CYP2J2: variants seen among roughly 807,000 people sequenced by gnomAD.
CYP2J2 encodes cytochrome P450 family 2 subfamily J member 2, also known as cytochrome P450 2J2.
A neutral mutation model predicts 48.8 loss-of-function variants in CYP2J2; 41 were observed. The ratio of observed to expected loss-of-function variants is 0.84; its 90% CI spans 0.66 to 1.09. The LOEUF is 1.09. CYP2J2 is among the 50% of genes least tolerant of loss of function. The probability of loss-of-function intolerance (pLI) is 0.00; values close to 1 mark genes in which losing one functional copy is unlikely to be tolerated. For missense variants in CYP2J2, 644 were observed against 617.3 expected (o/e 1.04, Z -0.46); for synonymous variants, 221 against 227.1 (o/e 0.97, Z 0.24).
At chr1:59,953,223 C>A in the CYP2J2 span, among the ~76,000 whole-genome samples, 1 of 152,138 alleles carries the variant, frequency 6.6e-6, no homozygotes, top group Non-Finnish European at 1.5e-5. Context: ...AAGTCCTCAG[C>A]ACCTGTCTAA....
At chr1:59,945,170 A>G in the CYP2J2 span, among the ~76,000 whole-genome samples, 2 of 152,128 alleles carry the variant, frequency 1.3e-5, no homozygotes, top group Non-Finnish European at 1.5e-5. Flanking sequence ...TAAGAACAGC[A>G]TTTTTACTGC....
Position 59,893,606 on chromosome 1 carries a change from T to G in CYP2J2, c.*45A>C. On this transcript the variant is annotated 3_prime_UTR_variant, in exon 9 of 9. Transcript: ENST00000371204. ...CAGACACCAGTGGTTTCAGAACACG[T>G]GCCATGTCTTCTTACTTTCCTTGCC... is the stretch of plus-strand genomic sequence containing the variant. 1.4e-6 allele frequency: 2 copies of G among 1,457,976 alleles called. No homozygotes were observed. 90.3% of individuals were successfully genotyped at this position (1,457,976 alleles called of 1,614,324 possible).
chr1:59,932,704 A>AT, the CYP2J2 span, among the ~76,000 whole-genome samples: 19,110 of 144,632 alleles, frequency 0.13, 1,361 homozygotes, highest in Admixed American at 0.18. Context: ...TTCTTATTCT[A>AT]TTTTTTTTTT....
chr1:59,908,121 T>C (rs1289008973), intron 5 of CYP2J2, among the ~76,000 whole-genome samples, 194 bp from the exon 6 acceptor site: 1 of 152,210 alleles, frequency 6.6e-6, no homozygotes, highest in Admixed American at 6.5e-5. Flanking sequence ...CCCCAAGTGC[T>C]GGACACCTTT....
At chr1:59,965,176 T>C in the CYP2J2 span, among the ~76,000 whole-genome samples, 3 of 152,186 alleles carry the variant, frequency 2.0e-5, no homozygotes, top group Non-Finnish European at 4.4e-5. Context: ...GGTGGAGAAT[T>C]AGGAGTTCAC....
chr1:59,918,796 A>G lies in CYP2J2; in HGVS notation c.211-2696T>C, dbSNP rs118027002. Among the ~76,000 whole-genome samples, 722 of 152,320 alleles carry G rather than the reference A, an allele frequency of 4.7e-3. 16 individuals are homozygous for G. The highest frequency in any genetic ancestry group is 0.032 in the East Asian group (165 of 5,190). On this transcript the variant is annotated intron_variant, in intron 1 of 8. Transcript: ENST00000371204. ...AGAAAAGAACTGAAACAGAATCTAT[A>G]AAAGTCAAACAAAAGCAATAGGAGA...
the CYP2J2 span, among the ~76,000 whole-genome samples, chr1:59,952,547 A>G: frequency 1.3e-5 from 2 of 152,140 alleles, no homozygotes; most frequent in Non-Finnish European, 2.9e-5. Context: ...CGAAAGCGGT[A>G]TTAGGAAGAA....
At chr1:59,914,428 C>A (rs900315017) in intron 2 of CYP2J2, among the ~76,000 whole-genome samples, 5 of 152,120 alleles carry the variant, frequency 3.3e-5, no homozygotes, top group Non-Finnish European at 5.9e-5. Flanking sequence ...TGACCTGTAC[C>A]CTGAACAATC....
At chr1:59,931,436 AAAGG>A (rs1181462689), upstream of CYP2J2, among the ~76,000 whole-genome samples, 1 of 152,160 alleles carries the variant, frequency 6.6e-6, no homozygotes, top group African/African-American at 2.4e-5. Context: ...GATATTTAAA[AAAGG>A]AAGAAGAAAA....
chr1:59,898,297 CT>C (rs1644287041), intron 8 of CYP2J2, among the ~76,000 whole-genome samples: 1 of 152,218 alleles, frequency 6.6e-6, no homozygotes, highest in African/African-American at 2.4e-5. Flanking sequence ...GGCCTGTGTG[CT>C]TCCATTCTCC....
At chr1:59,946,823 T>C in the CYP2J2 span, among the ~76,000 whole-genome samples, 4 of 152,216 alleles carry the variant, frequency 2.6e-5, no homozygotes, top group Admixed American at 6.5e-5. Flanking sequence ...AATATGAAGA[T>C]ATAATCTTTG....
In CYP2J2 at chr1:59,916,119, G is replaced by GTCC; in HGVS notation, c.211-20_211-19insGGA. The GTCC allele has an allele frequency of 6.2e-7, 1 of 1,601,256 alleles. No homozygotes were observed. The highest frequency in any genetic ancestry group is 8.5e-7 in the Non-Finnish European group (1 of 1,172,774). On this transcript the variant is annotated intron_variant, in intron 1 of 8. Coordinates refer to ENST00000371204, the MANE Select transcript of CYP2J2 (RefSeq NM_000775.4). ...TCACAAACTGAAAAATAGTTAAATC[G>GTCC]TAACAGTTGAATATGCACATGTCCA...
the CYP2J2 span, among the ~76,000 whole-genome samples, chr1:59,936,274 A>G: frequency 6.6e-6 from 1 of 152,244 alleles, no homozygotes; most frequent in African/African-American, 2.4e-5. Flanking sequence ...AATGCCAGTG[A>G]GTGGCAAAGC....
the CYP2J2 span, among the ~76,000 whole-genome samples, chr1:59,952,820 C>T: frequency 5.3e-5 from 8 of 152,158 alleles, no homozygotes; most frequent in African/African-American, 1.7e-4. Flanking sequence ...ATATAGCAGC[C>T]AGCAAGGCAT....
Position 59,893,605 on chromosome 1 carries a change from G to A in CYP2J2, c.*46C>T, listed in dbSNP as rs772719673. ...GCAGACACCAGTGGTTTCAGAACAC[G>A]TGCCATGTCTTCTTACTTTCCTTGC... On this transcript the variant is annotated 3_prime_UTR_variant, in exon 9 of 9. Transcript: ENST00000371204. 9.8e-6 allele frequency: 14 copies of A among 1,432,624 alleles called. No homozygotes were observed. Among genetic ancestry groups the A allele is most frequent in the African/African-American group, 2.8e-5 (2 of 70,348 alleles). 88.7% of individuals were successfully genotyped at this position (1,432,624 alleles called of 1,614,324 possible).
intron 1 of CYP2J2, among the ~76,000 whole-genome samples, chr1:59,919,817 G>A (rs1356992315): frequency 3.3e-5 from 5 of 152,200 alleles, no homozygotes; most frequent in East Asian, 1.9e-4. Context: ...TTGGGGCTGC[G>A]CTGGTTTCTG....
the CYP2J2 span, among the ~76,000 whole-genome samples, chr1:59,953,390 C>T: frequency 6.6e-6 from 1 of 151,998 alleles, no homozygotes; most frequent in African/African-American, 2.4e-5. Flanking sequence ...CAACAGCCTG[C>T]TTTATTCTAG....
At chr1:59,936,654 T>C in the CYP2J2 span, among the ~76,000 whole-genome samples, 2 of 152,334 alleles carry the variant, frequency 1.3e-5, no homozygotes, top group South Asian at 4.1e-4. Context: ...CCTTGCTCTA[T>C]GTTGATTATT....
At chr1:59,967,363 G>A in the CYP2J2 span, among the ~76,000 whole-genome samples, 9 of 152,158 alleles carry the variant, frequency 5.9e-5, no homozygotes, top group African/African-American at 1.9e-4. Context: ...TGAGCCTGTC[G>A]GCTGGAAGAA....
Sources: gnomAD v4.1 joint callset for allele counts (sites outside exome capture counted in the v4.1 genomes callset) on GRCh38, gnomAD v4.1.1 for gene constraint, MANE v1.5 for transcripts, NCBI Gene and HGNC (gene_info 2026-07-23, HGNC 2026-07-21) for gene names.